Variants in ZNF484 observed in about 807,000 individuals in gnomAD.
ZNF484 encodes the protein KRAB box containing C2H2 type zinc finger bA526D8.4.
Under a neutral mutation model 12.9 loss-of-function variants are expected in ZNF484, and 11 were observed. That is an observed-to-expected ratio of 0.85 (90% CI 0.54 to 1.41). ZNF484 has a LOEUF of 1.41. ZNF484 is among the 40% of genes most tolerant of loss of function. ZNF484 has a pLI of 0.00. For synonymous variants in ZNF484, 289 were observed against 334.1 expected (o/e 0.86, Z 1.47); for missense variants, 807 against 1,007.7 (o/e 0.80, Z 2.70).
intron 4 of ZNF484, among the ~76,000 whole-genome samples, chr9:92,852,788 C>G (rs1018250718): frequency 6.6e-6 from 1 of 152,126 alleles, no homozygotes; most frequent in East Asian, 1.9e-4. Context: ...CCACCCACCT[C>G]AGCCTCCCAA....
At position 92,846,073 on chromosome 9, in the gene ZNF484, C is replaced by T. The variant is rs185636675; in HGVS notation, c.*155G>A. 5.6e-6 allele frequency: 4 copies of T among 719,512 alleles called. No individual in the cohort carries two copies. The East Asian group carries it at 8.3e-5, about 15-fold the overall frequency. 44.6% of individuals were successfully genotyped at this position (719,512 alleles called of 1,614,324 possible). On this transcript the variant is annotated 3_prime_UTR_variant, in exon 5 of 5. Coordinates refer to ENST00000375495, the MANE Select transcript of ZNF484 (RefSeq NM_031486.4). ...TGAAACAAGAAAGACTGCCAATCAT[C>T]TCCTTGCACATTTACTATTATTTGC...
At chr9:92,874,406 G>C (rs1275773399) in intron 2 of ZNF484, among the ~76,000 whole-genome samples, 1 of 151,456 alleles carries the variant, frequency 6.6e-6, no homozygotes, top group Non-Finnish European at 1.5e-5. Context: ...CTGCCTCCTG[G>C]GTTAAAGCAA....
intron 2 of ZNF484, among the ~76,000 whole-genome samples, chr9:92,857,659 C>A (rs1425466143): frequency 6.6e-6 from 1 of 152,168 alleles, no homozygotes; most frequent in African/African-American, 2.4e-5. Flanking sequence ...AGCTTCAACC[C>A]GGCCTTATTT....
chr9:92,868,653 G>A (rs982307438), intron 2 of ZNF484, among the ~76,000 whole-genome samples: 3 of 152,080 alleles, frequency 2.0e-5, no homozygotes, highest in Admixed American at 1.3e-4. Flanking sequence ...AAGAGAAGCC[G>A]GTGTGTGCAG....
At chr9:92,872,013 C>T (rs751409501) in intron 2 of ZNF484, among the ~76,000 whole-genome samples, 19 of 152,132 alleles carry the variant, frequency 1.2e-4, no homozygotes, top group South Asian at 4.1e-4. Flanking sequence ...GGCGGATCGC[C>T]TGAGGTTGGG....
At chr9:92,860,800 T>A (rs1277139238) in intron 2 of ZNF484, among the ~76,000 whole-genome samples, 1 of 152,088 alleles carries the variant, frequency 6.6e-6, no homozygotes, top group East Asian at 1.9e-4. Context: ...CCAGCAGGCA[T>A]TATATAGACT....
rs766695011 is a variant in ZNF484, at chr9:92,846,372, C to G, written c.2415G>C (p.Lys805Asn). Residue 805 changes from lysine (K) to asparagine (N), a missense_variant, in exon 5 of 5, where the codon AAG becomes AAC. Coordinates refer to ENST00000375495, the MANE Select transcript of ZNF484 (RefSeq NM_031486.4). ...QKIHTKQKPY[K>N]CSDLGKALNW... ...TTAAGGCTTTCCCCAAGTCACTGCA[C>G]TTATAGGGTTTCTGTTTAGTATGAA... 6.2e-7 allele frequency: 1 copy of G among 1,614,080 alleles called. No individual in the cohort carries two copies. Among genetic ancestry groups the G allele is most frequent in the Non-Finnish European group, 8.5e-7 (1 of 1,179,998 alleles).
intron 2 of ZNF484, among the ~76,000 whole-genome samples, chr9:92,863,705 G>A (rs1222978809): frequency 6.6e-6 from 1 of 152,140 alleles, no homozygotes; most frequent in African/African-American, 2.4e-5. Flanking sequence ...ATTGATGAAT[G>A]GAAAAGGTTG....
intron 2 of ZNF484, among the ~76,000 whole-genome samples, chr9:92,860,617 A>C (rs1247281360): frequency 2.0e-5 from 3 of 151,198 alleles, no homozygotes; most frequent in East Asian, 1.9e-4. Context: ...AAAAAAAAAA[A>C]AACAACAAAA....
At position 92,847,072 on chromosome 9, in the gene ZNF484, C is replaced by A. The variant is rs1026818496; in HGVS notation, c.1715G>T (p.Arg572Ile). The change falls in exon 5 of 5, where the codon AGA (arginine) becomes ATA (isoleucine). Residue 572 changes from arginine (R) to isoleucine (I), a missense_variant. Transcript: ENST00000375495. ...ATATGGTTTTTCCCCTCTATGAATT[C>A]TCTGGTGCATACTTAATGTTGACTT... ...IQKSTLSMHQ[R>I]IHRGEKPYVC... 1.2e-6 allele frequency: 2 copies of A among 1,613,840 alleles called. No individual in the cohort carries two copies. Among genetic ancestry groups the A allele is most frequent in the East Asian group, 2.2e-5 (1 of 44,840 alleles).
chr9:92,847,945 C>G lies in ZNF484; in HGVS notation c.842G>C (p.Cys281Ser). The change falls in exon 5 of 5, where the codon TGC (cysteine) becomes TCC (serine). Residue 281 changes from cysteine to serine, a missense_variant. Cys to Ser is a moderately radical substitution (Grantham distance 112). Transcript: ENST00000375495. ...AGTGAAGACTGCCTCACATTCATGGCATTCATGCTGCTTTTCTTCAGCACA... is the reference window on the plus strand; with the variant it reads ...AGTGAAGACTGCCTCACATTCATGGGATTCATGCTGCTTTTCTTCAGCACA... The part of the protein sequence containing the change: ...SICAEEKQHE[C>S]HECEAVFTQK... 1 of 1,614,226 alleles carries G rather than the reference C, an allele frequency of 6.2e-7. No homozygotes were observed. Among genetic ancestry groups the G allele is most frequent in the Middle Eastern group, 1.6e-4 (1 of 6,062 alleles).
chr9:92,848,219 T>C lies in ZNF484; in HGVS notation c.568A>G (p.Thr190Ala). Reference sequence around the variant, plus strand: ...GTTGCATTGTTTCTATTATATAAGGTTATGATAGGCTCCAAATTCTTTCCA... The same window carrying C: ...GTTGCATTGTTTCTATTATATAAGGCTATGATAGGCTCCAAATTCTTTCCA... ...SCGKNLEPII[T>A]LYNRNNATEN... Residue 190 changes from threonine to alanine, a missense_variant, in exon 5 of 5, where the codon ACC (threonine) becomes GCC (alanine). By Grantham distance (58) the Thr-to-Ala change is moderately conservative. Coordinates refer to ENST00000375495, the MANE Select transcript of ZNF484 (RefSeq NM_031486.4). This position sits in a 1 kb window ranked among gnomAD's most constrained non-coding sequence, Gnocchi z 4.1. 6.2e-7 allele frequency: 1 copy of C among 1,614,150 alleles called. No homozygotes were observed. The highest frequency in any genetic ancestry group is 1.3e-5 in the African/African-American group (1 of 75,064).
At chr9:92,873,558 A>G (rs1587772387) in intron 2 of ZNF484, among the ~76,000 whole-genome samples, 1 of 152,246 alleles carries the variant, frequency 6.6e-6, no homozygotes, top group African/African-American at 2.4e-5. Flanking sequence ...AGGCCCAGAC[A>G]GTTTCTCTGG....
At position 92,847,733 on chromosome 9, in the gene ZNF484, C is replaced by T. The variant is rs1386415157; in HGVS notation, c.1054G>A (p.Gly352Arg). 1.9e-6 allele frequency: 3 copies of T among 1,613,762 alleles called. No individual in the cohort carries two copies. In the Admixed American group the frequency reaches 5.0e-5, roughly 27 times the overall value. Residue 352 changes from glycine to arginine, a missense_variant, in exon 5 of 5, where the codon GGA becomes AGA. Gly to Arg is a moderately radical substitution (Grantham distance 125, BLOSUM62 -2). Transcript: ENST00000375495. ...TCACTGTACTCATAAGGTTTTTCTC[C>T]AGAATGAATTCTCTGGCATCTGAAC... Reference protein sequence around the residue: ...DLFRCQRIHSGEKPYEYSECE... With the variant: ...DLFRCQRIHSREKPYEYSECE...
chr9:92,857,964 C>T (rs191244027), intron 2 of ZNF484, among the ~76,000 whole-genome samples: 5 of 152,090 alleles, frequency 3.3e-5, no homozygotes, highest in African/African-American at 9.7e-5. Flanking sequence ...GCCATGTTGC[C>T]CAGGCTGGTC....
chr9:92,860,317 T>C (rs897766501), intron 2 of ZNF484, among the ~76,000 whole-genome samples: 3 of 152,006 alleles, frequency 2.0e-5, no homozygotes, highest in Non-Finnish European at 4.4e-5. Flanking sequence ...AACAATATAC[T>C]TGAGGCCAGG....
chr9:92,866,260 A>G (rs1857065826), intron 2 of ZNF484, among the ~76,000 whole-genome samples: 1 of 152,248 alleles, frequency 6.6e-6, no homozygotes, highest in African/African-American at 2.4e-5. Flanking sequence ...AAGGTCTAAT[A>G]TCCAGATTCT....
chr9:92,856,431 G>C (rs1856466661), intron 2 of ZNF484, 113 bp from the exon 3 acceptor site: 1 of 805,988 alleles, frequency 1.2e-6, no homozygotes. Context: ...AAACAAGATA[G>C]GACCTTATTT....
Position 92,844,695 on chromosome 9 carries a change from A to G in ZNF484, c.*1533T>C, listed in dbSNP as rs1855489012. On this transcript the variant is annotated 3_prime_UTR_variant, in exon 5 of 5. Coordinates refer to ENST00000375495, the MANE Select transcript of ZNF484 (RefSeq NM_031486.4). Reference sequence around the variant, plus strand: ...ACTTTCAACTTAGAATTCTATATTCAGTAAAAGTATCCTTCAAAAATGAAG... The same window carrying G: ...ACTTTCAACTTAGAATTCTATATTCGGTAAAAGTATCCTTCAAAAATGAAG... 6.6e-6 allele frequency among the ~76,000 whole-genome samples: 1 copy of G among 152,248 alleles called. No individual in the cohort carries two copies. Among genetic ancestry groups the G allele is most frequent in the East Asian group, 1.9e-4 (1 of 5,200 alleles).
Sources: allele counts gnomAD v4.1 joint callset (sites outside exome capture counted in the v4.1 genomes callset), GRCh38; gene constraint gnomAD v4.1.1; non-coding constraint Gnocchi (gnomAD v3.1); transcripts MANE v1.5; gene names NCBI Gene and HGNC (gene_info 2026-07-23, HGNC 2026-07-21).